The following CD109 variants were observed in gnomAD, a reference collection of about 807,000 sequenced individuals.
The protein encoded by CD109 is CD109 molecule, also known as CD109 antigen.
CD109 carries 149 observed loss-of-function variants against 165.8 expected under a neutral mutation model. The ratio of observed to expected loss-of-function variants is 0.90; its 90% confidence interval spans 0.79 to 1.03. The LOEUF (loss-of-function observed/expected upper bound fraction) is 1.03. CD109 is among the 50% of genes least tolerant of loss of function. CD109 has a pLI of 0.00. For missense variants in CD109, 1,712 were observed against 1,677.8 expected, an observed-to-expected ratio of 1.02 and a Z score of -0.36; for synonymous variants, 585 against 592.1, an observed-to-expected ratio of 0.99 and a Z score of 0.18.
intron 5 of CD109, among the ~76,000 whole-genome samples, chr6:73,744,088 G>T (rs1236976845): frequency 2.0e-5 from 3 of 152,198 alleles, no homozygotes; most frequent in African/African-American, 7.2e-5. Context: ...CAATTTAAAA[G>T]TTAAGTAGCA....
intron 15 of CD109, among the ~76,000 whole-genome samples, chr6:73,777,439 C>T (rs1409568110): frequency 1.3e-5 from 2 of 151,984 alleles, no homozygotes; most frequent in African/African-American, 4.8e-5. Flanking sequence ...AATTTGATCC[C>T]ATTTGTCAAT....
intron 29 of CD109, among the ~76,000 whole-genome samples, chr6:73,812,769 C>T (rs60004201): frequency 0.024 from 3,608 of 151,854 alleles, 162 homozygotes; most frequent in African/African-American, 0.082. Context: ...GCAGGAGCTA[C>T]AATAAAATGG....
chr6:73,701,310 C>T (rs1435729755), intron 2 of CD109, among the ~76,000 whole-genome samples: 1 of 152,108 alleles, frequency 6.6e-6, no homozygotes, highest in Non-Finnish European at 1.5e-5. Context: ...TGTTCCTAAT[C>T]TTATCTTCCT....
At chr6:73,761,586 G>A (rs182419567) in intron 7 of CD109, among the ~76,000 whole-genome samples, 99 of 152,188 alleles carry the variant, frequency 6.5e-4, no homozygotes, top group African/African-American at 2.1e-3. Context: ...GCAGTGGCAC[G>A]ATCTTGGCTC....
intron 22 of CD109, among the ~76,000 whole-genome samples, chr6:73,789,556 C>T (rs1421021641): frequency 6.6e-6 from 1 of 151,036 alleles, no homozygotes; most frequent in Non-Finnish European, 1.5e-5. Flanking sequence ...CAGGTTCACG[C>T]CATTCTCCTG....
intron 31 of CD109, among the ~76,000 whole-genome samples, chr6:73,819,736 A>T (rs1358378491): frequency 6.6e-6 from 1 of 152,222 alleles, no homozygotes; most frequent in Non-Finnish European, 1.5e-5. Flanking sequence ...GCACTGCTCA[A>T]AAGCCATTGG....
At position 73,730,539 on chromosome 6, in the gene CD109, A is replaced by T. The variant is rs760918169; in HGVS notation, c.472A>T (p.Lys158Ter). The change falls in exon 4 of 33, where the codon AAG (lysine) becomes TAG (stop). Residue 158 changes from lysine to a stop codon, truncating the protein, a stop_gained. Transcript: ENST00000287097. LOFTEE classifies it high-confidence loss of function. The stretch of plus-strand genomic sequence containing the variant: ...CATTGTTACACTCTTCTCAGATTTT[A>T]AGCCTTACAAAACCTCTTTAAACAT... Reference protein sequence around the residue: ...FRIVTLFSDFKPYKTSLNILI... With the variant: ...FRIVTLFSDF 6.2e-7 allele frequency: 1 copy of T among 1,613,892 alleles called. No homozygotes were observed. The highest frequency in any genetic ancestry group is 1.1e-5 in the South Asian group (1 of 91,074).
intron 7 of CD109, among the ~76,000 whole-genome samples, chr6:73,761,053 A>G (rs1562051515): frequency 6.6e-6 from 1 of 151,598 alleles, no homozygotes; most frequent in Admixed American, 6.6e-5. Context: ...ACACACACAC[A>G]CACACACACA....
rs1233466527 is a variant in CD109 at position 73,736,387 on chromosome 6, C to T, written c.512C>T (p.Pro171Leu). The T allele has an allele frequency of 6.2e-7, 1 of 1,612,958 alleles. No homozygotes were observed. Among genetic ancestry groups the T allele is most frequent in the African/African-American group, 1.3e-5 (1 of 74,938 alleles). The change falls in exon 5 of 33, where the codon CCC becomes CTC. Residue 171 changes from proline (P) to leucine (L), a missense_variant. Transcript: ENST00000287097. ...CATGTCTGGTTTTCATTTTAGGACC[C>T]CAAATCAAATTTGATCCAACAGTGG... ...KTSLNILIKD[P>L]KSNLIQQWLS...
rs930417176 is a variant in CD109 at position 73,726,984 on chromosome 6, T to G, written c.277-3360T>G. 1.3e-5 allele frequency among the ~76,000 whole-genome samples: 2 copies of G among 152,084 alleles called. 1 individual carries two copies. Among genetic ancestry groups the G allele is most frequent in the South Asian group, 4.1e-4 (2 of 4,824 alleles). On this transcript the variant is annotated intron_variant, in intron 3 of 32. Transcript: ENST00000287097. ...TGGAAGTCACTTATCAAGGAACAGC[T>G]TTTTTTCCCCCTTTCCCCCACCAAT... is the stretch of plus-strand genomic sequence containing the variant.
At chr6:73,740,458 T>C (rs1224057812) in intron 5 of CD109, among the ~76,000 whole-genome samples, 5 of 152,330 alleles carry the variant, frequency 3.3e-5, no homozygotes, top group Non-Finnish European at 7.3e-5. Context: ...AAGTCCTTTA[T>C]GATACCGTGT....
Position 73,826,205 on chromosome 6 carries a change from A to G in CD109, c.*2572A>G, listed in dbSNP as rs1484985154. On this transcript the variant is annotated 3_prime_UTR_variant, in exon 33 of 33. Transcript: ENST00000287097. ...GGACTAAAAGTGATTAAAATACCAC[A>G]GGCATAAGGAGAAAAGGAGTATATG... The G allele has an allele frequency of 6.6e-6, 1 of 152,194 alleles. No individual in the cohort carries two copies. Among genetic ancestry groups the G allele is most frequent in the African/African-American group, 2.4e-5 (1 of 41,458 alleles). The allele number at this position is 152,194 out of a possible 1,614,324, so 9.4% of individuals were successfully genotyped here.
intron 3 of CD109, among the ~76,000 whole-genome samples, chr6:73,725,347 C>G (rs1772094967): frequency 6.6e-6 from 1 of 152,080 alleles, no homozygotes; most frequent in South Asian, 2.1e-4. Context: ...CAATAATTGT[C>G]TGGTTTCCTC....
intron 32 of CD109, among the ~76,000 whole-genome samples, chr6:73,822,207 G>A (rs969358458): frequency 1.3e-5 from 2 of 152,192 alleles, no homozygotes; most frequent in African/African-American, 2.4e-5. Flanking sequence ...TTTTGTATGT[G>A]ATCTCTGGCC....
chr6:73,815,923 A>G (rs1414027127), intron 30 of CD109, among the ~76,000 whole-genome samples: 1 of 152,164 alleles, frequency 6.6e-6, no homozygotes, highest in Non-Finnish European at 1.5e-5. Flanking sequence ...ACTGGCATTG[A>G]GGAGCTGCTG....
intron 2 of CD109, among the ~76,000 whole-genome samples, chr6:73,711,508 A>T (rs993663066): frequency 3.3e-5 from 5 of 151,664 alleles, no homozygotes; most frequent in Non-Finnish European, 5.9e-5. Flanking sequence ...AAGCAGAAAC[A>T]TTGTATTTTT....
chr6:73,815,791 A>G (rs1169743307), intron 30 of CD109, among the ~76,000 whole-genome samples: 2 of 152,210 alleles, frequency 1.3e-5, no homozygotes, highest in African/African-American at 4.8e-5. Context: ...ATTCCACTGC[A>G]CACAGGAGTT....
the CD109 span, among the ~76,000 whole-genome samples, chr6:73,688,456 T>G: frequency 6.6e-6 from 1 of 152,326 alleles, no homozygotes; most frequent in East Asian, 1.9e-4. Context: ...CTCTGGTTCC[T>G]GACACAGAGC....
At chr6:73,788,811 A>G (rs1417857148) in intron 22 of CD109, among the ~76,000 whole-genome samples, 199 bp downstream of exon 22, 1 of 152,254 alleles carries the variant, frequency 6.6e-6, no homozygotes, top group Non-Finnish European at 1.5e-5. Context: ...TTCAATGTGC[A>G]TAAGAATCAC....
Sources: allele counts gnomAD v4.1 joint callset (sites outside exome capture counted in the v4.1 genomes callset), GRCh38; gene constraint gnomAD v4.1.1; transcripts MANE v1.5; gene names NCBI Gene and HGNC (gene_info 2026-07-23, HGNC 2026-07-21).